The following SV2B variants were observed in gnomAD, a reference collection of about 807,000 sequenced individuals.
SV2B encodes synaptic vesicle glycoprotein 2B.
A neutral mutation model predicts 73.9 loss-of-function variants in SV2B; 41 were observed. The observed-to-expected ratio is 0.56, with a 90% CI of 0.43 to 0.72. SV2B has a LOEUF of 0.72. SV2B is among the 30% of genes least tolerant of loss of function. SV2B has a pLI of 0.00. For synonymous variants in SV2B, 314 were observed against 314.2 expected (o/e 1.00, Z 0.01); for missense variants, 764 against 857.8 (o/e 0.89, Z 1.37).
intron 1 of SV2B, among the ~76,000 whole-genome samples, chr15:91,186,790 A>G (rs1830280642): frequency 6.6e-6 from 1 of 152,194 alleles, no homozygotes; most frequent in Non-Finnish European, 1.5e-5. Flanking sequence ...TGGCTACACT[A>G]AAAGCTCAGA....
chr15:91,138,754 A>T (rs947812107), intron 1 of SV2B, among the ~76,000 whole-genome samples: 2 of 152,234 alleles, frequency 1.3e-5, no homozygotes, highest in African/African-American at 2.4e-5. Context: ...TATGTCTTTT[A>T]TATAAGGGTC....
chr15:91,207,021 A>G (rs117455603), intron 1 of SV2B, among the ~76,000 whole-genome samples: 440 of 151,992 alleles, frequency 2.9e-3, no homozygotes, highest in Non-Finnish European at 4.6e-3. Flanking sequence ...GTGAAATGGG[A>G]TTGTGAGCAA....
At position 91,141,324 on chromosome 15, in the gene SV2B, C is replaced by G. The variant is rs2042990166; in HGVS notation, c.-392+40961C>G. On this transcript the variant is annotated intron_variant, in intron 1 of 12. Coordinates refer to ENST00000394232, the MANE Select transcript of SV2B (RefSeq NM_001323032.3). The surrounding 1 kb of genome is among the most constrained non-coding windows in gnomAD (Gnocchi z 4.6). Reference sequence around the variant, plus strand: ...AGTGTTTCCAGATTTTTGCTGGCATCATCTAGGGTGTCTTGCAGAACAGGG... The same window carrying G: ...AGTGTTTCCAGATTTTTGCTGGCATGATCTAGGGTGTCTTGCAGAACAGGG... Among the ~76,000 whole-genome samples, 1 of 152,142 alleles carries G rather than the reference C, an allele frequency of 6.6e-6. No individual in the cohort carries two copies. Among genetic ancestry groups the G allele is most frequent in the Admixed American group, 6.5e-5 (1 of 15,274 alleles).
At chr15:91,159,098 T>A (rs2043618500) in intron 1 of SV2B, among the ~76,000 whole-genome samples, 1 of 152,074 alleles carries the variant, frequency 6.6e-6, no homozygotes, top group Admixed American at 6.6e-5. Context: ...GAAATCAGTC[T>A]CCAAGAGCAT....
rs987880991 is a variant in SV2B, at chr15:91,124,109, C to A, written c.-392+23746C>A. On this transcript the variant is annotated intron_variant, in intron 1 of 12. Transcript: ENST00000394232. This position sits in a 1 kb window ranked among gnomAD's most constrained non-coding sequence, Gnocchi z 4.6. ...CATCCTGGGTAAACACCAAGGTGGG[C>A]AAACTGTGTTTTGGCTTGCTGGTAC... Among the ~76,000 whole-genome samples, 1 of 152,170 alleles carries A rather than the reference C, an allele frequency of 6.6e-6. No individual in the cohort carries two copies. Among genetic ancestry groups the A allele is most frequent in the Non-Finnish European group, 1.5e-5 (1 of 68,026 alleles).
rs933987533 is a variant in SV2B, at chr15:91,220,300, T to C, written c.-391-5573T>C. Reference sequence around the variant, plus strand: ...TGTCTGTTGATTAGAGCTATTCTAATGGATGTGTAGTGATATCTTACTGTG... The same window carrying C: ...TGTCTGTTGATTAGAGCTATTCTAACGGATGTGTAGTGATATCTTACTGTG... On this transcript the variant is annotated intron_variant, in intron 1 of 12. Transcript: ENST00000394232. The surrounding 1 kb of genome is among the most constrained non-coding windows in gnomAD (Gnocchi z 4.1). Among the ~76,000 whole-genome samples, 3 of 152,246 alleles carry C rather than the reference T, an allele frequency of 2.0e-5. No homozygotes were observed. The highest frequency in any genetic ancestry group is 1.9e-4 in the East Asian group (1 of 5,196).
At chr15:91,215,138 C>A (rs752829602) in intron 1 of SV2B, among the ~76,000 whole-genome samples, 1 of 152,234 alleles carries the variant, frequency 6.6e-6, no homozygotes, top group Non-Finnish European at 1.5e-5. Context: ...GGCATCTCCA[C>A]AAGTCCAAGC....
rs148141342 is a variant in SV2B at position 91,219,781 on chromosome 15, A to G, written c.-391-6092A>G. On this transcript the variant is annotated intron_variant, in intron 1 of 12. Coordinates refer to ENST00000394232, the MANE Select transcript of SV2B (RefSeq NM_001323032.3). Reference sequence around the variant, plus strand: ...CTGAATTTCCTCAAGTTTACTTACAATCATTCCCCACTGTCACCCACAGCT... The same window carrying G: ...CTGAATTTCCTCAAGTTTACTTACAGTCATTCCCCACTGTCACCCACAGCT... Among the ~76,000 whole-genome samples the G allele has an allele frequency of 3.7e-3, 559 of 152,236 alleles. 1 individual carries two copies. Among genetic ancestry groups the G allele is most frequent in the Non-Finnish European group, 6.5e-3 (440 of 67,996 alleles).
chr15:91,276,500 C>T (rs1488448990), intron 9 of SV2B, among the ~76,000 whole-genome samples: 1 of 151,840 alleles, frequency 6.6e-6, no homozygotes, highest in Non-Finnish European at 1.5e-5. Context: ...TCTGTTTCTT[C>T]CCTTATTTTT....
chr15:91,162,520 AT>A (rs2043759330), intron 1 of SV2B, among the ~76,000 whole-genome samples: 1 of 119,288 alleles, frequency 8.4e-6, no homozygotes, highest in Admixed American at 8.1e-5. Flanking sequence ...GAAACATAAG[AT>A]AACACCTAAT....
In SV2B at chr15:91,289,381, G is replaced by A; in HGVS notation, c.1709-140G>A. 1 of 1,053,250 alleles carries A rather than the reference G, an allele frequency of 9.5e-7. No individual in the cohort carries two copies. The highest frequency in any genetic ancestry group is 1.8e-5 in the Admixed American group (1 of 54,366). 65.2% of individuals were successfully genotyped at this position (1,053,250 alleles called of 1,614,324 possible). A position where few individuals can be genotyped will look rare whatever the true frequency, so the allele number is the denominator to read the frequency against. On this transcript the variant is annotated intron_variant, in intron 11 of 12. Coordinates refer to ENST00000394232, the MANE Select transcript of SV2B (RefSeq NM_001323032.3). The surrounding 1 kb of genome is among the most constrained non-coding windows in gnomAD (Gnocchi z 4.9). Reference sequence around the variant, plus strand: ...GATTCCAGCTGTGCTCTCTCTGTGTGGAGGGTGAACCTAATACTTCAGGCA... The same window carrying A: ...GATTCCAGCTGTGCTCTCTCTGTGTAGAGGGTGAACCTAATACTTCAGGCA...
rs566581535 is a variant in SV2B, at chr15:91,104,065, C to T, written c.-392+3702C>T. ...GAGCAAAGCAGCTTAGATGCGTACC[C>T]TAGGGACTGATTACATGCTTTAGGG... On this transcript the variant is annotated intron_variant, in intron 1 of 12. Coordinates refer to ENST00000394232, the MANE Select transcript of SV2B (RefSeq NM_001323032.3). Among the ~76,000 whole-genome samples, 151 of 152,316 alleles carry T rather than the reference C, an allele frequency of 9.9e-4. 1 individual carries two copies. Among genetic ancestry groups the T allele is most frequent in the African/African-American group, 3.3e-3 (138 of 41,568 alleles).
At chr15:91,172,402 A>G (rs922385987) in intron 1 of SV2B, among the ~76,000 whole-genome samples, 1 of 152,202 alleles carries the variant, frequency 6.6e-6, no homozygotes, top group African/African-American at 2.4e-5. Context: ...GGGCCTACTG[A>G]GATACAGAAG....
intron 1 of SV2B, among the ~76,000 whole-genome samples, chr15:91,204,932 G>A (rs937319475): frequency 6.6e-5 from 10 of 152,136 alleles, no homozygotes; most frequent in African/African-American, 2.2e-4. Context: ...CTGAGAGAGC[G>A]TAGAAAACAG....
At chr15:91,254,008 C>T (rs972237719) in intron 4 of SV2B, among the ~76,000 whole-genome samples, 2 of 152,172 alleles carry the variant, frequency 1.3e-5, no homozygotes, top group African/African-American at 4.8e-5. Flanking sequence ...TCTAGTTCTC[C>T]ATAATTTTAG....
rs767382879 is a variant in SV2B at position 91,245,610 on chromosome 15, T to C, written c.452-6209T>C. ...ACAAATATTAATGGAGTACCTACTATGTGTACATCTCTGTGCTAGAGACAC... is the reference window on the plus strand; with the variant it reads ...ACAAATATTAATGGAGTACCTACTACGTGTACATCTCTGTGCTAGAGACAC... On this transcript the variant is annotated intron_variant, in intron 2 of 12. Coordinates refer to ENST00000394232, the MANE Select transcript of SV2B (RefSeq NM_001323032.3). This position sits in a 1 kb window ranked among gnomAD's most constrained non-coding sequence, Gnocchi z 4.2. Among the ~76,000 whole-genome samples the C allele has an allele frequency of 9.8e-5, 15 of 152,370 alleles. No individual in the cohort carries two copies. Among genetic ancestry groups the C allele is most frequent in the Non-Finnish European group, 1.9e-4 (13 of 68,036 alleles).
chr15:91,294,714 A>G lies in SV2B; in HGVS notation c.*2162A>G, dbSNP rs1047320521. 2 of 152,228 alleles carry G rather than the reference A, an allele frequency of 1.3e-5. No homozygotes were observed. The highest frequency in any genetic ancestry group is 4.8e-5 in the African/African-American group (2 of 41,456). The allele number at this position is 152,228 out of a possible 1,614,324, so 9.4% of individuals were successfully genotyped here. A position where few individuals can be genotyped will look rare whatever the true frequency, so the allele number is the denominator to read the frequency against. On this transcript the variant is annotated 3_prime_UTR_variant, in exon 13 of 13. Coordinates refer to ENST00000394232, the MANE Select transcript of SV2B (RefSeq NM_001323032.3). This position sits in a 1 kb window ranked among gnomAD's most constrained non-coding sequence, Gnocchi z 4.1. ...CAGGACAGTTAGAGCCTGCATTTCT[A>G]GTTAAGATGGATCTTGTAAATTTAA...
chr15:91,238,574 G>A lies in SV2B; in HGVS notation c.451+11860G>A, dbSNP rs1247698313. 3.3e-5 allele frequency among the ~76,000 whole-genome samples: 5 copies of A among 152,240 alleles called. No individual in the cohort carries two copies. The East Asian group carries it at 5.8e-4, about 18-fold the overall frequency. ...GACTCCAATAAGATGCAAGTGTGAA[G>A]TTGGCATTGGCCTCTCAGGGTGCTG... On this transcript the variant is annotated intron_variant, in intron 2 of 12. Coordinates refer to ENST00000394232, the MANE Select transcript of SV2B (RefSeq NM_001323032.3).
In SV2B at chr15:91,289,765, G is replaced by C; in HGVS notation, c.1868+85G>C. The C allele has an allele frequency of 2.8e-6, 4 of 1,425,456 alleles. No homozygotes were observed. In the African/African-American group the frequency reaches 5.7e-5, roughly 20 times the overall value. The allele number at this position is 1,425,456 out of a possible 1,614,324, so 88.3% of individuals were successfully genotyped here. A position where few individuals can be genotyped will look rare whatever the true frequency, so the allele number is the denominator to read the frequency against. On this transcript the variant is annotated intron_variant, in intron 12 of 12. Transcript: ENST00000394232. This position sits in a 1 kb window ranked among gnomAD's most constrained non-coding sequence, Gnocchi z 4.9. ...ACCTGCTCCCTAAATCTCATGCTGT[G>C]CATGGCCATCGTGGTCTTTCTGCTG...
Sources: gnomAD v4.1 joint callset for allele counts (sites outside exome capture counted in the v4.1 genomes callset) on GRCh38, gnomAD v4.1.1 for gene constraint, Gnocchi (gnomAD v3.1) non-coding constraint, MANE v1.5 for transcripts, NCBI Gene and HGNC (gene_info 2026-07-23, HGNC 2026-07-21) for gene names.